The following TRIP13 variants were observed in gnomAD, a reference collection of about 807,000 sequenced individuals.
TRIP13 encodes the protein thyroid hormone receptor interactor 13.
Under a neutral mutation model 54.4 loss-of-function variants are expected in TRIP13, and 25 were observed. That is an observed-to-expected ratio of 0.46 (90% CI 0.33 to 0.64). TRIP13 has a LOEUF of 0.64. Among genes scored for constraint, TRIP13 ranks in the 30% least tolerant of loss-of-function variants. TRIP13 has a pLI of 0.02. For synonymous variants in TRIP13, 207 were observed against 207.8 expected (o/e 1.00, Z 0.03); for missense variants, 373 against 534.2 (o/e 0.70, Z 2.97).
chr5:905,307 C>T (rs1029046704), intron 6 of TRIP13, among the ~76,000 whole-genome samples: 3 of 152,210 alleles, frequency 2.0e-5, no homozygotes, highest in Non-Finnish European at 2.9e-5. Flanking sequence ...AGCCCTTCAG[C>T]TCACAGACCA....
At position 900,693 on chromosome 5, in the gene TRIP13, A is replaced by G. The variant is rs574492611; in HGVS notation, c.444+144A>G. On this transcript the variant is annotated intron_variant, in intron 4 of 12. Transcript: ENST00000166345. Reference sequence around the variant, plus strand: ...CTGGCAGCCCTTGTCCTGGACATCTATCCTCTAGTATTGCTCCAGAGTAGA... The same window carrying G: ...CTGGCAGCCCTTGTCCTGGACATCTGTCCTCTAGTATTGCTCCAGAGTAGA... 255 of 735,146 alleles carry G rather than the reference A, an allele frequency of 3.5e-4. 1 individual carries two copies. The African/African-American group carries it at 3.5e-3, about 10-fold the overall frequency. The allele number at this position is 735,146 out of a possible 1,614,324, so 45.5% of individuals were successfully genotyped here. A position where few individuals can be genotyped will look rare whatever the true frequency, so the allele number is the denominator to read the frequency against.
At chr5:919,084 C>G (rs759382423), downstream of TRIP13, 5 of 152,210 alleles carry the variant, frequency 3.3e-5, no homozygotes, top group Admixed American at 1.3e-4. Context: ...AAAAAATTGC[C>G]AAACCTGAAT....
In TRIP13 at chr5:892,889, C is replaced by G; in HGVS notation, c.-110C>G. On this transcript the variant is annotated 5_prime_UTR_variant, in exon 1 of 13. Coordinates refer to ENST00000166345, the MANE Select transcript of TRIP13 (RefSeq NM_004237.4). Reference sequence around the variant, plus strand: ...GGTGGTGCGCCTCGCGCGGCAGATTCGAAGCTAGGGCGGGGCCCGCGGGCT... The same window carrying G: ...GGTGGTGCGCCTCGCGCGGCAGATTGGAAGCTAGGGCGGGGCCCGCGGGCT... The G allele has an allele frequency of 8.5e-7, 1 of 1,174,590 alleles. No homozygotes were observed. The highest frequency in any genetic ancestry group is 3.0e-4 in the Middle Eastern group (1 of 3,374). The allele number at this position is 1,174,590 out of a possible 1,614,324, so 72.8% of individuals were successfully genotyped here.
At position 894,861 on chromosome 5, in the gene TRIP13, A is replaced by G; in HGVS notation, c.167A>G (p.Tyr56Cys). The change falls in exon 2 of 13, where the codon TAC (tyrosine) becomes TGC (cysteine). Residue 56 changes from tyrosine (Y) to cysteine (C), a missense_variant. By Grantham distance (194) the Tyr-to-Cys change is radical. This residue lies in a region of TRIP13 where 151 missense variants were observed against 151.9 expected (regional missense o/e 0.99). Transcript: ENST00000166345. The stretch of plus-strand genomic sequence containing the variant: ...AGACATAATATTGTGTTTGGTGATT[A>G]CACATGGACTGAGTTTGATGAACCT... Reference protein sequence around the residue: ...LNRHNIVFGDYTWTEFDEPFL... With the variant: ...LNRHNIVFGDCTWTEFDEPFL... 6.2e-7 allele frequency: 1 copy of G among 1,614,066 alleles called. No individual in the cohort carries two copies.
intron 5 of TRIP13, 102 bp from the exon 6 acceptor site, chr5:904,046 A>G (rs1754053322): frequency 1.9e-6 from 2 of 1,054,660 alleles, no homozygotes; most frequent in Admixed American, 2.6e-5. Flanking sequence ...ATAGCTTTTA[A>G]CTGTATTCCT....
chr5:893,573 A>G, intron 1 of TRIP13: 1 of 190,810 alleles, frequency 5.2e-6, no homozygotes, highest in Non-Finnish European at 1.1e-5. Context: ...TTAGGGTTCA[A>G]AGCACATCCC....
chr5:895,820 T>C (rs1269307813), intron 2 of TRIP13, among the ~76,000 whole-genome samples: 1 of 152,230 alleles, frequency 6.6e-6, no homozygotes, highest in Non-Finnish European at 1.5e-5. Flanking sequence ...TGTAGATCTT[T>C]CTGAACAGAT....
intron 1 of TRIP13, among the ~76,000 whole-genome samples, chr5:894,094 G>C (rs1753813519): frequency 6.6e-6 from 1 of 152,120 alleles, no homozygotes; most frequent in Non-Finnish European, 1.5e-5. Flanking sequence ...GTCGCTGCTT[G>C]TAGGGTGCTG....
intron 5 of TRIP13, among the ~76,000 whole-genome samples, chr5:903,722 C>T (rs1754045818): frequency 6.6e-6 from 1 of 152,092 alleles, no homozygotes; most frequent in Non-Finnish European, 1.5e-5. Context: ...ATGACCCCTC[C>T]ACCTCCATTT....
intron 3 of TRIP13, 125 bp downstream of exon 3, chr5:896,919 C>T (rs1291335129): frequency 8.5e-6 from 10 of 1,170,388 alleles, no homozygotes; most frequent in Non-Finnish European, 1.0e-5. Context: ...GATGTTTTCT[C>T]TCTTATGAAA....
At position 907,073 on chromosome 5, in the gene TRIP13, C is replaced by T. The variant is rs1006260410; in HGVS notation, c.609-57C>T. 2.2e-5 allele frequency: 33 copies of T among 1,493,276 alleles called. No individual in the cohort carries two copies. In the African/African-American group the frequency reaches 2.2e-4, roughly 10 times the overall value. The allele number at this position is 1,493,276 out of a possible 1,614,324, so 92.5% of individuals were successfully genotyped here. ...GCATTCAGGACGCGTGAATGGCTGCCGCTGAGGATCCACAGGACCAGTTAG... is the reference window on the plus strand; with the variant it reads ...GCATTCAGGACGCGTGAATGGCTGCTGCTGAGGATCCACAGGACCAGTTAG... On this transcript the variant is annotated intron_variant, in intron 6 of 12. Transcript: ENST00000166345. This position sits in a 1 kb window ranked among gnomAD's most constrained non-coding sequence, Gnocchi z 4.1.
chr5:902,189 G>GGTTTT (rs1446844773), intron 5 of TRIP13, among the ~76,000 whole-genome samples: 3 of 152,118 alleles, frequency 2.0e-5, no homozygotes, highest in African/African-American at 4.8e-5. Flanking sequence ...TTTGTTGTTT[G>GGTTTT]GTTTTGTTTT....
intron 1 of TRIP13, among the ~76,000 whole-genome samples, chr5:893,333 CAGATTG>C (rs955418295): frequency 6.6e-6 from 1 of 151,948 alleles, no homozygotes; most frequent in Non-Finnish European, 1.5e-5. Flanking sequence ...CCCCAGCTCA[CAGATTG>C]AGCCCCGACC....
Position 914,473 on chromosome 5 carries a change from C to T in TRIP13, c.1029C>T (p.Ile343=). 1 of 1,612,856 alleles carries T rather than the reference C, an allele frequency of 6.2e-7. No individual in the cohort carries two copies. The highest frequency in any genetic ancestry group is 8.5e-7 in the Non-Finnish European group (1 of 1,179,594). Residue 343 remains isoleucine, a synonymous_variant, in exon 11 of 13, where the codon ATC becomes ATT. Transcript: ENST00000166345. ...SCLEELMKCQ[I]IYPRQQLLTL... ...TACTTCTGTCTCCCCAGTGTCAGAT[C>T]ATATACCCTCGCCAGCAGCTGCTGA...
chr5:892,988 TC>T lies in TRIP13; in HGVS notation c.-10del. ...CGCCCTGGTTGGGTCCCCACTGCTC[TC>T]GGGGGCGCCATGGACGAGGCCGTGG... On this transcript the variant is annotated 5_prime_UTR_variant, in exon 1 of 13. Coordinates refer to ENST00000166345, the MANE Select transcript of TRIP13 (RefSeq NM_004237.4). 1 of 1,562,590 alleles carries T rather than the reference TC, an allele frequency of 6.4e-7. No individual in the cohort carries two copies. The highest frequency in any genetic ancestry group is 8.6e-7 in the Non-Finnish European group (1 of 1,159,638).
intron 2 of TRIP13, among the ~76,000 whole-genome samples, chr5:895,892 T>G (rs1408459769): frequency 6.6e-6 from 1 of 152,192 alleles, no homozygotes. Context: ...CCACCAGAGG[T>G]CAGTTAATAA....
At chr5:896,607 G>A (rs1202882868) in intron 2 of TRIP13, 58 bp from the exon 3 acceptor site, 1 of 1,561,738 alleles carries the variant, frequency 6.4e-7, no homozygotes, top group African/African-American at 1.4e-5. Flanking sequence ...AATTTGTATG[G>A]TTGCAGTTAA....
At position 908,305 on chromosome 5, in the gene TRIP13, G is replaced by A. The variant is rs772669363; in HGVS notation, c.760-50G>A. 3 of 1,592,164 alleles carry A rather than the reference G, an allele frequency of 1.9e-6. No homozygotes were observed. Among genetic ancestry groups the A allele is most frequent in the East Asian group, 2.2e-5 (1 of 44,746 alleles). ...GCGGGACGTATCCCCATAGCTGCCT[G>A]TGAAGTGCCAGGCCCTGTCCTTTTT... is the stretch of plus-strand genomic sequence containing the variant. On this transcript the variant is annotated intron_variant, in intron 8 of 12. Transcript: ENST00000166345. The surrounding 1 kb of genome is among the most constrained non-coding windows in gnomAD (Gnocchi z 5.2).
At chr5:894,379 G>C (rs188549295) in intron 1 of TRIP13, among the ~76,000 whole-genome samples, 9 of 152,308 alleles carry the variant, frequency 5.9e-5, no homozygotes. Context: ...CACGAATCAC[G>C]GCTATTGGAG....
Sources: gnomAD v4.1 joint callset for allele counts (sites outside exome capture counted in the v4.1 genomes callset) on GRCh38, gnomAD v4.1.1 for gene constraint, gnomAD v4.1.1 regional missense constraint, Gnocchi (gnomAD v3.1) non-coding constraint, MANE v1.5 for transcripts, NCBI Gene and HGNC (gene_info 2026-07-23, HGNC 2026-07-21) for gene names.